The following TXNDC16 variants were observed in gnomAD, a reference collection of about 807,000 sequenced individuals.
TXNDC16 encodes thioredoxin domain-containing protein 16.
In TXNDC16, 74 loss-of-function variants were observed where a neutral mutation model predicts 85.6. The observed-to-expected ratio is 0.86, with a 90% CI of 0.72 to 1.05. TXNDC16 has a LOEUF of 1.05. TXNDC16 is among the 50% of genes least tolerant of loss of function. The probability of loss-of-function intolerance (pLI) is 0.00; values close to 1 mark genes in which losing one functional copy is unlikely to be tolerated. For missense variants in TXNDC16, 959 were observed against 947.0 expected (o/e 1.01, Z -0.17); for synonymous variants, 335 against 326.5 (o/e 1.03, Z -0.28).
Position 52,544,264 on chromosome 14 carries a change from T to C in TXNDC16, c.-74A>G, listed in dbSNP as rs2037895762. The C allele has an allele frequency of 6.6e-6, 1 of 152,148 alleles. No homozygotes were observed. The highest frequency in any genetic ancestry group is 2.4e-5 in the African/African-American group (1 of 41,474). The allele number at this position is 152,148 out of a possible 1,614,324, so 9.4% of individuals were successfully genotyped here. ...TTATCTTCTTTCTTGGCGTACTTAC[T>C]TCCATGCTGTCCTCTGTATCTGCTG... On this transcript the variant is annotated splice_region_variant and 5_prime_UTR_variant, in exon 2 of 21. Coordinates refer to ENST00000281741, the MANE Select transcript of TXNDC16 (RefSeq NM_020784.3).
chr14:52,523,927 T>A (rs1026100227), intron 6 of TXNDC16, among the ~76,000 whole-genome samples: 1 of 152,262 alleles, frequency 6.6e-6, no homozygotes, highest in Non-Finnish European at 1.5e-5. Flanking sequence ...AAGCACTTTG[T>A]ATAAAAATTT....
At chr14:52,466,783 C>T (rs1025017870) in intron 16 of TXNDC16, among the ~76,000 whole-genome samples, 7 of 151,932 alleles carry the variant, frequency 4.6e-5, no homozygotes, top group African/African-American at 1.7e-4. Context: ...AGGAGAATGG[C>T]GTGAACCCGG....
intron 20 of TXNDC16, among the ~76,000 whole-genome samples, chr14:52,433,402 T>C (rs2034952736): frequency 6.6e-6 from 1 of 152,178 alleles, no homozygotes; most frequent in Admixed American, 6.5e-5. Flanking sequence ...TAGGGTACTA[T>C]TTTAAAAAAT....
intron 7 of TXNDC16, 28 bp from the exon 8 acceptor site, chr14:52,514,998 G>T: frequency 6.4e-7 from 1 of 1,560,996 alleles, no homozygotes; most frequent in Non-Finnish European, 8.8e-7. Context: ...GGAGTTGGAA[G>T]ACAGGAAAAA....
chr14:52,445,966 T>C (rs1249179851), intron 18 of TXNDC16, among the ~76,000 whole-genome samples: 1 of 152,204 alleles, frequency 6.6e-6, no homozygotes, highest in Non-Finnish European at 1.5e-5. Context: ...AGACAATATT[T>C]TTTTCTAAAA....
Position 52,439,367 on chromosome 14 carries a change from G to A in TXNDC16, c.2031C>T (p.Ile677=), listed in dbSNP as rs1198175889. Residue 677 remains isoleucine (I), a synonymous_variant, in exon 20 of 21, where the codon ATC becomes ATT. Transcript: ENST00000281741. The stretch of plus-strand genomic sequence containing the variant: ...GCAGAGGATCAAAATATGCCCTCAA[G>A]ATTCCTCTCCCCACTGGAGTATTCT... ...NLKNTPVGRG[I]LRAYFDPLPP... 8 of 1,613,724 alleles carry A rather than the reference G, an allele frequency of 5.0e-6. No homozygotes were observed.
intron 7 of TXNDC16, among the ~76,000 whole-genome samples, chr14:52,518,470 C>T (rs900415754): frequency 1.1e-4 from 17 of 152,178 alleles, no homozygotes; most frequent in African/African-American, 3.6e-4. Flanking sequence ...AACCCCAGAA[C>T]CAACCTTGTC....
At chr14:52,508,989 G>A (rs896110921) in intron 9 of TXNDC16, among the ~76,000 whole-genome samples, 3 of 151,988 alleles carry the variant, frequency 2.0e-5, no homozygotes, top group African/African-American at 7.3e-5. Context: ...ACACCAACAT[G>A]GCACATGTAT....
chr14:52,541,231 T>C (rs1490719395), intron 4 of TXNDC16, among the ~76,000 whole-genome samples: 1 of 138,180 alleles, frequency 7.2e-6, no homozygotes, highest in Non-Finnish European at 1.5e-5. Flanking sequence ...AGCAAAACTC[T>C]GTCTCAAAAA....
intron 9 of TXNDC16, among the ~76,000 whole-genome samples, chr14:52,501,211 A>G (rs1038449741): frequency 6.6e-6 from 1 of 152,198 alleles, no homozygotes; most frequent in Non-Finnish European, 1.5e-5. Flanking sequence ...AGTATAAGAC[A>G]TAGTTGTGTT....
Position 52,514,971 on chromosome 14 carries a change from C to G in TXNDC16, c.515-1G>C, listed in dbSNP as rs1410801207. On this transcript the variant is annotated splice_acceptor_variant, in intron 7 of 20. Transcript: ENST00000281741. LOFTEE classifies it high-confidence loss of function. ...GCGGCTTCCATGACTGCTCTGTGCT[C>G]TGAAGAAGAGATAAAGGGAGTTGGA... is the stretch of plus-strand genomic sequence containing the variant. 6.2e-7 allele frequency: 1 copy of G among 1,608,422 alleles called. No individual in the cohort carries two copies. The highest frequency in any genetic ancestry group is 1.3e-5 in the African/African-American group (1 of 74,812).
Position 52,482,964 on chromosome 14 carries a change from A to C in TXNDC16, c.1110T>G (p.Asp370Glu). 1.9e-6 allele frequency: 3 copies of C among 1,597,686 alleles called. No individual in the cohort carries two copies. The highest frequency in any genetic ancestry group is 2.6e-6 in the Non-Finnish European group (3 of 1,176,116). ...EDNDMEGPDI[D>E]VQDDEVAETV... ...TTTCTGCCACTTCATCATCCTGAAC[A>C]TCTAAAATGTTGGAAAAGAAATTAA... The change falls in exon 13 of 21, where the codon GAT becomes GAG. Residue 370 changes from aspartate (D) to glutamate (E), a missense_variant and splice_region_variant. Physicochemically the swap from Asp to Glu is conservative, Grantham distance 45 (BLOSUM62 2). Coordinates refer to ENST00000281741, the MANE Select transcript of TXNDC16 (RefSeq NM_020784.3).
intron 18 of TXNDC16, among the ~76,000 whole-genome samples, chr14:52,443,375 T>C (rs2035209065): frequency 6.6e-6 from 1 of 152,204 alleles, no homozygotes; most frequent in Non-Finnish European, 1.5e-5. Flanking sequence ...TGATTTTTAT[T>C]AGTTAAAACT....
Position 52,470,671 on chromosome 14 carries a change from G to A in TXNDC16, c.1322C>T (p.Thr441Ile), listed in dbSNP as rs145649990. ...ACAGTTTATTCTAGTAAGAAGCATAGTAGATGTGCCTAAATAAAAGGAAAA... is the reference window on the plus strand; with the variant it reads ...ACAGTTTATTCTAGTAAGAAGCATAATAGATGTGCCTAAATAAAAGGAAAA... ...DVAVKLKGTS[T>I]MLLTRINCAD... The change falls in exon 15 of 21, where the codon ACT becomes ATT. Residue 441 changes from threonine (T) to isoleucine (I), a missense_variant. By Grantham distance (89) the Thr-to-Ile change is moderately conservative (BLOSUM62 -1). Transcript: ENST00000281741. The A allele has an allele frequency of 7.5e-6, 12 of 1,600,112 alleles. No homozygotes were observed. Among genetic ancestry groups the A allele is most frequent in the Non-Finnish European group, 1.0e-5 (12 of 1,174,714 alleles).
chr14:52,436,872 T>G (rs2035041158), intron 20 of TXNDC16, among the ~76,000 whole-genome samples: 1 of 152,152 alleles, frequency 6.6e-6, no homozygotes, highest in African/African-American at 2.4e-5. Context: ...CATACAAACC[T>G]TATTTCAGGA....
rs2036166262 is a variant in TXNDC16, at chr14:52,482,245, C to T, written c.1297G>A (p.Ala433Thr). ...MAFLQSYIDV[A>T]VKLKGTSTML... ...AGTACACTACCTTTCAGTTTAACTG[C>T]CACATCAATATAGGATTGCAAAAAT... Residue 433 changes from alanine (A) to threonine (T), a missense_variant, in exon 14 of 21, where the codon GCA (alanine) becomes ACA (threonine). Physicochemically the swap from Ala to Thr is moderately conservative, Grantham distance 58. Coordinates refer to ENST00000281741, the MANE Select transcript of TXNDC16 (RefSeq NM_020784.3). The T allele has an allele frequency of 1.2e-6, 2 of 1,611,906 alleles. No homozygotes were observed. Among genetic ancestry groups the T allele is most frequent in the Non-Finnish European group, 1.7e-6 (2 of 1,178,894 alleles).
intron 6 of TXNDC16, among the ~76,000 whole-genome samples, chr14:52,521,069 A>G (rs2037197868): frequency 6.6e-6 from 1 of 151,992 alleles, no homozygotes; most frequent in Non-Finnish European, 1.5e-5. Flanking sequence ...TTAAAAAAAA[A>G]CTATAATTTA....
At chr14:52,513,880 C>G (rs4901282) in intron 8 of TXNDC16, among the ~76,000 whole-genome samples, 1 of 151,718 alleles carries the variant, frequency 6.6e-6, no homozygotes, top group Non-Finnish European at 1.5e-5. Context: ...AGAGAAACTG[C>G]GGGGCTAGCA....
At chr14:52,442,858 A>G (rs2035198315) in intron 18 of TXNDC16, among the ~76,000 whole-genome samples, 1 of 152,238 alleles carries the variant, frequency 6.6e-6, no homozygotes. Flanking sequence ...CTATAAAGAA[A>G]TAAGATCCTT....
Sources: gnomAD v4.1 joint callset for allele counts (sites outside exome capture counted in the v4.1 genomes callset) on GRCh38, gnomAD v4.1.1 for gene constraint, MANE v1.5 for transcripts, NCBI Gene and HGNC (gene_info 2026-07-23, HGNC 2026-07-21) for gene names.